Variants in SYNJ2 observed in about 807,000 individuals in gnomAD.
The protein encoded by SYNJ2 is synaptojanin 2.
Under a neutral mutation model 141.3 loss-of-function variants are expected in SYNJ2, and 116 were observed. That is an observed-to-expected ratio of 0.82 (90% confidence interval 0.71 to 0.96). The LOEUF (loss-of-function observed/expected upper bound fraction) is 0.96. Among genes scored for constraint, SYNJ2 ranks in the 40% least tolerant of loss-of-function variants. The pLI is 0.00. For synonymous variants in SYNJ2, 745 were observed against 777.7 expected (o/e 0.96, Z 0.70); for missense variants, 1,873 against 1,934.8 (o/e 0.97, Z 0.60).
intron 24 of SYNJ2, 72 bp downstream of exon 24, chr6:158,088,844 T>A: frequency 9.3e-7 from 1 of 1,072,976 alleles, no homozygotes; most frequent in South Asian, 1.3e-5. Context: ...CTCTTCTCAG[T>A]GAATATATAG....
chr6:157,984,847 T>C (rs1477090354), intron 1 of SYNJ2, among the ~76,000 whole-genome samples: 2 of 152,230 alleles, frequency 1.3e-5, no homozygotes, highest in South Asian at 4.1e-4. Flanking sequence ...CTTCCTTTTC[T>C]CTTCAGCTGT....
chr6:158,063,255 C>T (rs1195229460), intron 8 of SYNJ2, among the ~76,000 whole-genome samples: 2 of 152,104 alleles, frequency 1.3e-5, no homozygotes, highest in African/African-American at 4.8e-5. Flanking sequence ...TAAAACGACC[C>T]AGCTGTGCAG....
At chr6:158,001,828 G>C (rs1281375378) in intron 1 of SYNJ2, 1 of 152,278 alleles carries the variant, frequency 6.6e-6, no homozygotes, top group Non-Finnish European at 1.5e-5. Flanking sequence ...CGCTCCCGCA[G>C]TTTCCCCCTT....
intron 3 of SYNJ2, among the ~76,000 whole-genome samples, chr6:158,031,486 G>T (rs1005242243): frequency 1.3e-5 from 2 of 152,230 alleles, no homozygotes; most frequent in African/African-American, 4.8e-5. Flanking sequence ...AGGTCGCCAG[G>T]CTCCTCAGCT....
intron 1 of SYNJ2, among the ~76,000 whole-genome samples, chr6:157,997,027 A>G (rs6923427): frequency 0.65 from 75,254 of 115,960 alleles, 23,689 homozygotes; most frequent in African/African-American, 0.8. Context: ...CACCTACCCC[A>G]CCCCCCCCCA....
Position 158,083,545 on chromosome 6 carries a change from C to T in SYNJ2, c.2982C>T (p.Ser994=), listed in dbSNP as rs773183525. ...SMAPVSPTAN[S]CLLEENFDFT... Reference sequence around the variant, plus strand: ...CCCCCGTGTCTCCCACTGCCAACTCCTGTTTGCTGGAGGAAAACTTTGACT... The same window carrying T: ...CCCCCGTGTCTCCCACTGCCAACTCTTGTTTGCTGGAGGAAAACTTTGACT... Residue 994 remains serine (S), a synonymous_variant, in exon 21 of 27, where the codon TCC becomes TCT. Coordinates refer to ENST00000355585, the MANE Select transcript of SYNJ2 (RefSeq NM_003898.4). The T allele has an allele frequency of 1.9e-6, 3 of 1,614,188 alleles. No individual in the cohort carries two copies. The highest frequency in any genetic ancestry group is 3.3e-5 in the Admixed American group (2 of 60,024).
At chr6:158,055,113 C>A in intron 6 of SYNJ2, 85 bp downstream of exon 6, 4 of 1,460,122 alleles carry the variant, frequency 2.7e-6, no homozygotes, top group East Asian at 2.4e-5. Context: ...GAGGGTGCGA[C>A]GGGAAAGGGA....
In SYNJ2 at chr6:158,074,638, T is replaced by C. The variant is rs776430082; in HGVS notation, c.2192T>C (p.Ile731Thr). The change falls in exon 16 of 27, where the codon ATT becomes ACT. Residue 731 changes from isoleucine (I) to threonine (T), a missense_variant. Physicochemically the swap from Ile to Thr is moderately conservative, Grantham distance 89. Transcript: ENST00000355585. The part of the protein sequence containing the change: ...VFWCGDFNYR[I>T]DLTYEEVFYF... Reference sequence around the variant, plus strand: ...TGGTGTGGCGATTTCAACTACCGCATTGATCTTACTTATGAAGAAGTCTTC... The same window carrying C: ...TGGTGTGGCGATTTCAACTACCGCACTGATCTTACTTATGAAGAAGTCTTC... 6.2e-7 allele frequency: 1 copy of C among 1,614,096 alleles called. No individual in the cohort carries two copies. The highest frequency in any genetic ancestry group is 1.7e-5 in the Admixed American group (1 of 60,024).
chr6:158,002,016 C>T (rs1285284697), intron 1 of SYNJ2, among the ~76,000 whole-genome samples: 1 of 152,190 alleles, frequency 6.6e-6, no homozygotes, highest in African/African-American at 2.4e-5. Context: ...AGGCTGTGTC[C>T]TCCCACTCTT....
chr6:158,019,991 G>A (rs1778671174), intron 2 of SYNJ2, among the ~76,000 whole-genome samples: 1 of 151,898 alleles, frequency 6.6e-6, no homozygotes, highest in Non-Finnish European at 1.5e-5. Context: ...CAGCTGTTGA[G>A]CATGTTGGGC....
intron 1 of SYNJ2, among the ~76,000 whole-genome samples, chr6:158,004,945 G>A (rs1250037135): frequency 1.3e-5 from 2 of 151,886 alleles, no homozygotes; most frequent in African/African-American, 4.8e-5. Flanking sequence ...CTCCTCCAGT[G>A]AGTGACCCCA....
Position 158,088,713 on chromosome 6 carries a change from C to T in SYNJ2, c.3397C>T (p.His1133Tyr). ...ASDASISSGT[H>Y]GQYSILQTAR... ...AGATGCGTCCATCTCCTCCGGCACCCATGGACAGTATTCAATTTTGCAGAC... is the reference window on the plus strand; with the variant it reads ...AGATGCGTCCATCTCCTCCGGCACCTATGGACAGTATTCAATTTTGCAGAC... Residue 1133 changes from histidine (H) to tyrosine (Y), a missense_variant, in exon 24 of 27, where the codon CAT (histidine) becomes TAT (tyrosine). Coordinates refer to ENST00000355585, the MANE Select transcript of SYNJ2 (RefSeq NM_003898.4). The T allele has an allele frequency of 6.2e-7, 1 of 1,614,080 alleles. No homozygotes were observed. The highest frequency in any genetic ancestry group is 8.5e-7 in the Non-Finnish European group (1 of 1,180,008).
intron 1 of SYNJ2, among the ~76,000 whole-genome samples, chr6:158,000,834 C>T (rs1370365910): frequency 6.6e-6 from 1 of 152,162 alleles, no homozygotes; most frequent in Non-Finnish European, 1.5e-5. Context: ...ATGGTGGAGG[C>T]GGGGTAGACA....
chr6:158,072,605 G>A (rs1191405600), intron 15 of SYNJ2, among the ~76,000 whole-genome samples: 1 of 152,110 alleles, frequency 6.6e-6, no homozygotes, highest in Admixed American at 6.5e-5. Context: ...TTACTGGGCT[G>A]CACGAGCACT....
At position 158,084,156 on chromosome 6, in the gene SYNJ2, C is replaced by A; in HGVS notation, c.3190C>A (p.Gln1064Lys). The A allele has an allele frequency of 6.2e-7, 1 of 1,614,032 alleles. No homozygotes were observed. Among genetic ancestry groups the A allele is most frequent in the Non-Finnish European group, 8.5e-7 (1 of 1,179,974 alleles). Residue 1064 changes from glutamine (Q) to lysine (K), a missense_variant, in exon 22 of 27, where the codon CAG becomes AAG. By Grantham distance (53) the Gln-to-Lys change is moderately conservative (BLOSUM62 1). Coordinates refer to ENST00000355585, the MANE Select transcript of SYNJ2 (RefSeq NM_003898.4). This position sits in a 1 kb window ranked among gnomAD's most constrained non-coding sequence, Gnocchi z 5.0. ...GTCACCTGCTCTCACCAAAAAGAAG[C>A]AGCATCCAACGTACAAAGGTAGCCT... ...SKSPALTKKKQHPTYKDDADL... is the reference protein window; with the variant it reads ...SKSPALTKKKKHPTYKDDADL...
chr6:158,063,901 A>T, intron 9 of SYNJ2, 29 bp downstream of exon 9: 2 of 1,611,772 alleles, frequency 1.2e-6, no homozygotes, highest in South Asian at 2.2e-5. Flanking sequence ...CTTTTCGGCC[A>T]TCTGTGCCAG....
At position 158,083,450 on chromosome 6, in the gene SYNJ2, A is replaced by T; in HGVS notation, c.2887A>T (p.Ile963Phe). 1 of 1,614,158 alleles carries T rather than the reference A, an allele frequency of 6.2e-7. No homozygotes were observed. The highest frequency in any genetic ancestry group is 1.3e-5 in the African/African-American group (1 of 75,034). The stretch of plus-strand genomic sequence containing the variant: ...CCAGGTGAAAGGCAGAGCAGTGAAG[A>T]TTAGACCGAAGACCAAGGACTGGCT... ...GMKVKGRAVKIRPKTKDWLKG... is the reference protein window; with the variant it reads ...GMKVKGRAVKFRPKTKDWLKG... Residue 963 changes from isoleucine to phenylalanine, a missense_variant, in exon 21 of 27, where the codon ATT (isoleucine) becomes TTT (phenylalanine). Physicochemically the swap from Ile to Phe is conservative, Grantham distance 21 (BLOSUM62 0). Transcript: ENST00000355585.
chr6:158,050,270 A>C (rs1780495094), intron 5 of SYNJ2, among the ~76,000 whole-genome samples: 2 of 152,174 alleles, frequency 1.3e-5, no homozygotes, highest in Non-Finnish European at 2.9e-5. Flanking sequence ...TCCTGGCCCC[A>C]CCCCTGGAGA....
intron 1 of SYNJ2, among the ~76,000 whole-genome samples, chr6:157,985,148 G>A (rs1164118551): frequency 1.3e-5 from 2 of 152,188 alleles, no homozygotes; most frequent in Non-Finnish European, 2.9e-5. Flanking sequence ...TTTCAGGCAA[G>A]GCCTGGAGAC....
Sources: allele counts gnomAD v4.1 joint callset (sites outside exome capture counted in the v4.1 genomes callset), GRCh38; gene constraint gnomAD v4.1.1; non-coding constraint Gnocchi (gnomAD v3.1); transcripts MANE v1.5; gene names NCBI Gene and HGNC (gene_info 2026-07-23, HGNC 2026-07-21).